TTC7B: variants seen among roughly 807,000 people sequenced by gnomAD.
The protein encoded by TTC7B is tetratricopeptide repeat protein 7B.
A neutral mutation model predicts 106.8 loss-of-function variants in TTC7B; 28 were observed. That is an observed-to-expected ratio of 0.26 (90% confidence interval 0.19 to 0.36). The LOEUF (loss-of-function observed/expected upper bound fraction) is 0.36. Ranked by LOEUF, TTC7B falls within the 10% of genes least tolerant of loss-of-function variation. TTC7B has a pLI of 1.00. For missense variants in TTC7B, 862 were observed against 1,076.4 expected, an observed-to-expected ratio of 0.80 and a Z score of 2.79; for synonymous variants, 405 against 430.6, an observed-to-expected ratio of 0.94 and a Z score of 0.74.
chr14:90,784,631 C>T (rs1437347282), intron 2 of TTC7B, among the ~76,000 whole-genome samples: 1 of 151,958 alleles, frequency 6.6e-6, no homozygotes, highest in East Asian at 1.9e-4. Flanking sequence ...GTATTGAACT[C>T]CTGGCCTCAA....
At chr14:90,634,687 G>A (rs780855302) in intron 15 of TTC7B, among the ~76,000 whole-genome samples, 8 of 152,118 alleles carry the variant, frequency 5.3e-5, no homozygotes, top group South Asian at 2.1e-4. Context: ...CACAAGAATC[G>A]CTTGAACCCG....
In TTC7B at chr14:90,578,232, C is replaced by A. The variant is rs1566779862; in HGVS notation, c.2184G>T (p.Met728Ile). The A allele has an allele frequency of 1.2e-6, 2 of 1,614,210 alleles. No homozygotes were observed. The highest frequency in any genetic ancestry group is 1.7e-6 in the Non-Finnish European group (2 of 1,180,046). ...CTQEAANLFP[M>I]SHNVLYMRGQ... ...CGCGCATGTAGAGGACATTGTGGGA[C>A]ATTGGGAAGAGGTTGGCAGCTTCTT... The change falls in exon 19 of 20, where the codon ATG becomes ATT. Residue 728 changes from methionine (M) to isoleucine (I), a missense_variant. Met to Ile is a conservative substitution (Grantham distance 10). Transcript: ENST00000328459. This position sits in a 1 kb window ranked among gnomAD's most constrained non-coding sequence, Gnocchi z 4.7.
chr14:90,754,707 C>T (rs1050831200), intron 3 of TTC7B, among the ~76,000 whole-genome samples: 1 of 152,074 alleles, frequency 6.6e-6, no homozygotes, highest in Non-Finnish European at 1.5e-5. Flanking sequence ...CTTGAAAAGC[C>T]CCATCTCTAT....
chr14:90,581,960 G>T (rs1345226873), intron 18 of TTC7B, among the ~76,000 whole-genome samples: 1 of 152,186 alleles, frequency 6.6e-6, no homozygotes, highest in Non-Finnish European at 1.5e-5. Flanking sequence ...ACTTTTCAGT[G>T]CTGTGGAAGT....
At chr14:90,795,633 G>A (rs570998244) in intron 1 of TTC7B, among the ~76,000 whole-genome samples, 2 of 152,324 alleles carry the variant, frequency 1.3e-5, no homozygotes, top group African/African-American at 4.8e-5. Flanking sequence ...TTTCTCACTT[G>A]GGTATCATGA....
In TTC7B at chr14:90,532,153, C is replaced by A. The variant is rs1263243193; in HGVS notation, c.*9215G>T. 1 of 152,170 alleles carries A rather than the reference C, an allele frequency of 6.6e-6. No homozygotes were observed. The highest frequency in any genetic ancestry group is 1.5e-5 in the Non-Finnish European group (1 of 68,030). 9.4% of individuals were successfully genotyped at this position (152,170 alleles called of 1,614,324 possible). A position where few individuals can be genotyped will look rare whatever the true frequency, so the allele number is the denominator to read the frequency against. ...CTGTACTCCAGCCTCGGTGACAGAG[C>A]AAGACCCCATCTCAAGTAGAACAAA... On this transcript the variant is annotated 3_prime_UTR_variant, in exon 20 of 20. Coordinates refer to ENST00000328459, the MANE Select transcript of TTC7B (RefSeq NM_001010854.2).
intron 19 of TTC7B, among the ~76,000 whole-genome samples, chr14:90,542,027 C>T (rs567022286): frequency 1.3e-5 from 2 of 152,328 alleles, no homozygotes; most frequent in African/African-American, 2.4e-5. Context: ...GCAAGCTCCG[C>T]CTCCCGGGTT....
intron 18 of TTC7B, among the ~76,000 whole-genome samples, chr14:90,580,519 A>G (rs1317499503): frequency 6.6e-6 from 1 of 151,894 alleles, no homozygotes; most frequent in Non-Finnish European, 1.5e-5. Flanking sequence ...CCAGGGTGAT[A>G]TCCGACTCCT....
chr14:90,609,070 G>T (rs1022208872), intron 17 of TTC7B, among the ~76,000 whole-genome samples: 3 of 152,198 alleles, frequency 2.0e-5, no homozygotes, highest in Non-Finnish European at 4.4e-5. Context: ...CTGACAGCCT[G>T]ACCTCTTTCC....
intron 9 of TTC7B, among the ~76,000 whole-genome samples, chr14:90,669,451 C>T (rs929769403): frequency 5.9e-5 from 9 of 151,530 alleles, no homozygotes; most frequent in African/African-American, 2.2e-4. Flanking sequence ...GTAATCCTAG[C>T]ACTTTAGGAA....
intron 7 of TTC7B, among the ~76,000 whole-genome samples, chr14:90,683,843 G>A (rs1031439646): frequency 1.3e-5 from 2 of 152,168 alleles, no homozygotes; most frequent in African/African-American, 4.8e-5. Flanking sequence ...GGTGTAGCTG[G>A]TCGTTTACAC....
At chr14:90,684,672 C>A (rs1044210148) in intron 7 of TTC7B, among the ~76,000 whole-genome samples, 3 of 152,076 alleles carry the variant, frequency 2.0e-5, no homozygotes, top group African/African-American at 7.2e-5. Flanking sequence ...CAAAAAGGGG[C>A]CAGACTAATT....
chr14:90,629,493 C>T (rs1000880116), intron 15 of TTC7B, among the ~76,000 whole-genome samples: 1 of 152,124 alleles, frequency 6.6e-6, no homozygotes. Flanking sequence ...TAGCTATGAA[C>T]GAAGAGCTAC....
At chr14:90,747,453 A>C (rs1056187103) in intron 3 of TTC7B, among the ~76,000 whole-genome samples, 5 of 152,206 alleles carry the variant, frequency 3.3e-5, no homozygotes, top group Non-Finnish European at 7.3e-5. Context: ...TCTTTCCAGT[A>C]TATCAATGCC....
At position 90,802,378 on chromosome 14, in the gene TTC7B, G is replaced by A. The variant is rs960519494; in HGVS notation, c.121+13797C>T. On this transcript the variant is annotated intron_variant, in intron 1 of 19. Coordinates refer to ENST00000328459, the MANE Select transcript of TTC7B (RefSeq NM_001010854.2). The surrounding 1 kb of genome is among the most constrained non-coding windows in gnomAD (Gnocchi z 4.7). ...AGAGAAGTGAAGGCTGTGGCAGCCC[G>A]GTCCTGAGAGGGTGAGAACGGAAGG... is the stretch of plus-strand genomic sequence containing the variant. Among the ~76,000 whole-genome samples the A allele has an allele frequency of 1.3e-5, 2 of 152,256 alleles. No homozygotes were observed. The highest frequency in any genetic ancestry group is 3.4e-3 in the Middle Eastern group (1 of 294).
At chr14:90,811,515 CA>C in intron 1 of TTC7B, among the ~76,000 whole-genome samples, 1 of 152,288 alleles carries the variant, frequency 6.6e-6, no homozygotes, top group African/African-American at 2.4e-5. Context: ...TGTGCATGAC[CA>C]GGTGTCGTCT....
At chr14:90,601,664 G>A (rs1242191880) in intron 17 of TTC7B, among the ~76,000 whole-genome samples, 8 of 152,142 alleles carry the variant, frequency 5.3e-5, no homozygotes, top group South Asian at 4.1e-4. Context: ...GGAGCGCCCC[G>A]GGTCCTCTAA....
At chr14:90,690,552 A>T (rs1466780195) in intron 6 of TTC7B, among the ~76,000 whole-genome samples, 3 of 152,232 alleles carry the variant, frequency 2.0e-5, no homozygotes, top group Non-Finnish European at 2.9e-5. Flanking sequence ...GATGTATGTC[A>T]GTTCACTTAG....
intron 3 of TTC7B, among the ~76,000 whole-genome samples, chr14:90,771,130 A>T (rs1254286760): frequency 6.6e-6 from 1 of 152,146 alleles, no homozygotes; most frequent in East Asian, 1.9e-4. Context: ...GTTGCACAGC[A>T]ATGTGAAGAA....
Sources: allele counts gnomAD v4.1 joint callset (sites outside exome capture counted in the v4.1 genomes callset), GRCh38; gene constraint gnomAD v4.1.1; non-coding constraint Gnocchi (gnomAD v3.1); transcripts MANE v1.5; gene names NCBI Gene and HGNC (gene_info 2026-07-23, HGNC 2026-07-21).